Variants in LINGO2 observed in about 807,000 individuals in gnomAD.
LINGO2 encodes the protein leucine rich repeat and Ig domain containing 2.
In LINGO2, 14 loss-of-function variants were observed where a neutral mutation model predicts 30.6. That is an observed-to-expected ratio of 0.46 (90% CI 0.30 to 0.72). The LOEUF (loss-of-function observed/expected upper bound fraction) is 0.72. LINGO2 is among the 30% of genes least tolerant of loss of function. The pLI is 0.07. For synonymous variants in LINGO2, 317 were observed against 288.5 expected (o/e 1.10, Z -1.00); for missense variants, 729 against 751.7 (o/e 0.97, Z 0.35).
intron 1 of LINGO2, among the ~76,000 whole-genome samples, chr9:28,666,859 C>T (rs1391035833): frequency 1.3e-5 from 2 of 152,100 alleles, no homozygotes; most frequent in Non-Finnish European, 2.9e-5. Context: ...AAGCACAGTA[C>T]ATAGTTGGCT....
the LINGO2 span, among the ~76,000 whole-genome samples, chr9:28,752,481 A>C: frequency 3.3e-5 from 5 of 152,082 alleles, no homozygotes; most frequent in African/African-American, 1.2e-4. Flanking sequence ...ACAAATAGGC[A>C]CACAATCTAT....
chr9:28,981,808 G>A, the LINGO2 span, among the ~76,000 whole-genome samples: 1 of 152,094 alleles, frequency 6.6e-6, no homozygotes, highest in Non-Finnish European at 1.5e-5. Context: ...AGATGGAGAG[G>A]TGAATAAATC....
chr9:28,887,729 C>G, the LINGO2 span, among the ~76,000 whole-genome samples: 4 of 152,102 alleles, frequency 2.6e-5, no homozygotes, highest in African/African-American at 9.6e-5. Flanking sequence ...AACTGTAATC[C>G]TAGATTGTGA....
At chr9:28,711,059 C>T in the LINGO2 span, among the ~76,000 whole-genome samples, 2 of 151,968 alleles carry the variant, frequency 1.3e-5, no homozygotes, top group African/African-American at 4.8e-5. Context: ...AATTGTACCT[C>T]ATCTCTGTGT....
At chr9:28,738,178 T>C in the LINGO2 span, among the ~76,000 whole-genome samples, 1 of 152,166 alleles carries the variant, frequency 6.6e-6, no homozygotes, top group Non-Finnish European at 1.5e-5. Flanking sequence ...ACTGCCTGAA[T>C]AAAATTGTGA....
At chr9:28,823,028 T>A in the LINGO2 span, among the ~76,000 whole-genome samples, 1 of 152,156 alleles carries the variant, frequency 6.6e-6, no homozygotes, top group African/African-American at 2.4e-5. Context: ...CTCATATCAA[T>A]GAGTTGGAAT....
intron 4 of LINGO2, among the ~76,000 whole-genome samples, chr9:28,194,466 G>A (rs1819936151): frequency 1.3e-5 from 2 of 149,736 alleles, no homozygotes; most frequent in Admixed American, 1.3e-4. Context: ...GTGGATCTGA[G>A]ATTTGAAGAG....
the LINGO2 span, among the ~76,000 whole-genome samples, chr9:29,039,747 G>C: frequency 1.3e-5 from 2 of 152,108 alleles, no homozygotes; most frequent in Non-Finnish European, 2.9e-5. Context: ...AGCATGCCTG[G>C]CCAGCTATGG....
intron 1 of LINGO2, among the ~76,000 whole-genome samples, chr9:28,510,888 A>G (rs1302226114): frequency 6.6e-6 from 1 of 152,180 alleles, no homozygotes; most frequent in African/African-American, 2.4e-5. Flanking sequence ...TCCAAGTCCC[A>G]AAACTGAAGA....
the LINGO2 span, among the ~76,000 whole-genome samples, chr9:29,170,716 C>T: frequency 6.6e-6 from 1 of 151,884 alleles, no homozygotes; most frequent in African/African-American, 2.4e-5. Context: ...TACAATATTT[C>T]CTGAAAATTA....
chr9:28,045,204 G>A (rs1029716017), intron 4 of LINGO2, among the ~76,000 whole-genome samples: 4 of 151,968 alleles, frequency 2.6e-5, no homozygotes, highest in Admixed American at 2.6e-4. Context: ...ACTACAGATT[G>A]TCTTGTAAAG....
chr9:28,530,112 A>G (rs1388936009), intron 1 of LINGO2, among the ~76,000 whole-genome samples: 1 of 152,020 alleles, frequency 6.6e-6, no homozygotes, highest in Non-Finnish European at 1.5e-5. Flanking sequence ...CCTTTGAAAG[A>G]TGAGCTGAAT....
chr9:28,995,104 T>G, the LINGO2 span, among the ~76,000 whole-genome samples: 5 of 151,880 alleles, frequency 3.3e-5, no homozygotes, highest in East Asian at 9.7e-4. Flanking sequence ...GGGAGAAAAT[T>G]TTGGCAACCT....
At chr9:28,030,479 A>AAGGTCCAG (rs1823612992) in intron 4 of LINGO2, among the ~76,000 whole-genome samples, 1 of 152,220 alleles carries the variant, frequency 6.6e-6, no homozygotes, top group Non-Finnish European at 1.5e-5. Flanking sequence ...GAAATTTTAA[A>AAGGTCCAG]AGGTCCAGAG....
chr9:28,927,552 G>C, the LINGO2 span, among the ~76,000 whole-genome samples: 1 of 152,106 alleles, frequency 6.6e-6, no homozygotes, highest in East Asian at 1.9e-4. Context: ...TCTATTTCCT[G>C]AACTGAAAAA....
Position 28,479,921 on chromosome 9 carries a change from A to G in LINGO2, c.-364-3896T>C, listed in dbSNP as rs1395235500. On this transcript the variant is annotated intron_variant, in intron 1 of 5. Coordinates refer to ENST00000379992, the Ensembl canonical transcript of LINGO2. ...TGTATATATACGTAGGTATATATAT[A>G]TATATATATATATATATATATATAT... Among the ~76,000 whole-genome samples, 150 of 88,562 alleles carry G rather than the reference A, an allele frequency of 1.7e-3. 1 individual carries two copies. The highest frequency in any genetic ancestry group is 2.2e-3 in the African/African-American group (43 of 19,500). The allele number at this position is 88,562 out of a possible 152,430, so 58.1% of individuals were successfully genotyped here. A position where few individuals can be genotyped will look rare whatever the true frequency, so the allele number is the denominator to read the frequency against.
At position 28,651,346 on chromosome 9, in the gene LINGO2, T is replaced by C. The variant is rs150430186; in HGVS notation, c.-365+18854A>G. ...TTGAGCAGGGGAAGGCAGAGTTTAA[T>C]AGGCTTAGAAATTAATTTGGCCAGA... On this transcript the variant is annotated intron_variant, in intron 1 of 5. Transcript: ENST00000379992. Among the ~76,000 whole-genome samples, 966 of 152,252 alleles carry C rather than the reference T, an allele frequency of 6.3e-3. 13 individuals are homozygous for C. Among genetic ancestry groups the C allele is most frequent in the Non-Finnish European group, 8.5e-3 (581 of 68,002 alleles).
intron 4 of LINGO2, among the ~76,000 whole-genome samples, chr9:28,277,416 C>G (rs1823155087): frequency 6.6e-6 from 1 of 152,126 alleles, no homozygotes; most frequent in South Asian, 2.1e-4. Flanking sequence ...CCCTGAGACA[C>G]AATCATATTG....
chr9:28,382,448 TA>T (rs1020379196), intron 2 of LINGO2, among the ~76,000 whole-genome samples: 8 of 152,158 alleles, frequency 5.3e-5, no homozygotes, highest in Non-Finnish European at 1.2e-4. Flanking sequence ...GGACCATTAC[TA>T]GGTGCTCATT....
Sources: gnomAD v4.1 joint callset for allele counts (sites outside exome capture counted in the v4.1 genomes callset) on GRCh38, gnomAD v4.1.1 for gene constraint, MANE v1.5 for transcripts, NCBI Gene and HGNC (gene_info 2026-07-23, HGNC 2026-07-21) for gene names.